The following NEK11 variants were observed in gnomAD, a reference collection of about 807,000 sequenced individuals.
The protein encoded by NEK11 is NIMA related kinase 11, also known as serine/threonine-protein kinase Nek11.
NEK11 carries 72 observed loss-of-function variants against 80.7 expected under a neutral mutation model. That is an observed-to-expected ratio of 0.89 (90% confidence interval 0.74 to 1.08). NEK11 has a LOEUF of 1.08. Ranked by LOEUF, NEK11 falls within the 50% of genes least tolerant of loss-of-function variation. The pLI, the probability that NEK11 is intolerant of heterozygous loss-of-function variation, is 0.00. For missense variants in NEK11, 764 were observed against 763.6 expected (o/e 1.00, Z -0.01); for synonymous variants, 251 against 260.7 (o/e 0.96, Z 0.36).
chr3:131,200,748 G>C (rs1243490787), intron 14 of NEK11, among the ~76,000 whole-genome samples: 2 of 152,148 alleles, frequency 1.3e-5, no homozygotes, highest in Admixed American at 1.3e-4. Flanking sequence ...ATAAACCCTA[G>C]AGTTAGTGAG....
chr3:131,114,922 G>A (rs917981881), intron 5 of NEK11, among the ~76,000 whole-genome samples: 1 of 152,210 alleles, frequency 6.6e-6, no homozygotes, highest in Non-Finnish European at 1.5e-5. Flanking sequence ...ATGTGAAGAG[G>A]TTAGGTTTGT....
intron 5 of NEK11, among the ~76,000 whole-genome samples, chr3:131,112,780 G>C (rs1185894256): frequency 2.0e-5 from 3 of 152,164 alleles, no homozygotes; most frequent in Admixed American, 6.5e-5. Context: ...CACAGAGGTG[G>C]GAAAACATGG....
intron 5 of NEK11, among the ~76,000 whole-genome samples, chr3:131,127,929 T>C (rs144511182): frequency 6.6e-6 from 1 of 152,342 alleles, no homozygotes; most frequent in African/African-American, 2.4e-5. Context: ...TTTACTAAGA[T>C]ACCTCTTCCT....
At chr3:131,211,690 C>T (rs1560994695) in intron 14 of NEK11, among the ~76,000 whole-genome samples, 1 of 152,002 alleles carries the variant, frequency 6.6e-6, no homozygotes, top group Non-Finnish European at 1.5e-5. Flanking sequence ...TTTCTCTAAA[C>T]TTCTCTTCTT....
At chr3:131,054,296 G>A (rs540854386) in intron 3 of NEK11, among the ~76,000 whole-genome samples, 5 of 151,976 alleles carry the variant, frequency 3.3e-5, no homozygotes, top group Non-Finnish European at 5.9e-5. Context: ...ATGCCATTCT[G>A]GCCTGGGTGA....
chr3:131,332,266 A>T (rs1224400797), intron 17 of NEK11, among the ~76,000 whole-genome samples: 5 of 152,200 alleles, frequency 3.3e-5, no homozygotes. Flanking sequence ...CTCTGAGACA[A>T]AACTTCCAGA....
intron 14 of NEK11, among the ~76,000 whole-genome samples, chr3:131,213,260 G>A (rs549898959): frequency 1.4e-4 from 21 of 152,090 alleles, no homozygotes; most frequent in South Asian, 1.0e-3. Flanking sequence ...TTGGTGAGCC[G>A]AGAATGTCTT....
intron 17 of NEK11, chr3:131,330,107 A>G (rs1412132785): frequency 6.6e-6 from 1 of 152,196 alleles, no homozygotes; most frequent in Non-Finnish European, 1.5e-5. Flanking sequence ...TTACATTTTA[A>G]AAATGGAGCT....
At chr3:131,041,540 A>G (rs563913693) in intron 3 of NEK11, among the ~76,000 whole-genome samples, 2 of 152,084 alleles carry the variant, frequency 1.3e-5, no homozygotes. Flanking sequence ...ACATACGTAA[A>G]TATATACTCA....
chr3:131,121,964 C>T lies in NEK11; in HGVS notation c.456-10781C>T, dbSNP rs150037770. ...GAGGTGATGCCCCGCCCTGCTTCAGCTCACGCTCTGTGGGCTGCACCCACT... is the reference window on the plus strand; with the variant it reads ...GAGGTGATGCCCCGCCCTGCTTCAGTTCACGCTCTGTGGGCTGCACCCACT... On this transcript the variant is annotated intron_variant, in intron 5 of 17. Transcript: ENST00000383366. Among the ~76,000 whole-genome samples the T allele has an allele frequency of 2.3e-3, 354 of 152,370 alleles. 1 individual carries two copies. The highest frequency in any genetic ancestry group is 8.0e-3 in the African/African-American group (333 of 41,594).
At chr3:131,233,878 A>G (rs1369339799) in intron 15 of NEK11, among the ~76,000 whole-genome samples, 1 of 152,236 alleles carries the variant, frequency 6.6e-6, no homozygotes, top group Non-Finnish European at 1.5e-5. Flanking sequence ...ACTGTTTGTG[A>G]CATCCTAACT....
chr3:131,239,526 CT>C (rs146256707), intron 15 of NEK11, among the ~76,000 whole-genome samples: 6,362 of 152,218 alleles, frequency 0.042, 422 homozygotes, highest in African/African-American at 0.14. Context: ...ACATAAAACA[CT>C]TCTGTAGCTC....
intron 7 of NEK11, among the ~76,000 whole-genome samples, chr3:131,152,096 A>G (rs1368175931): frequency 6.6e-6 from 1 of 152,148 alleles, no homozygotes; most frequent in African/African-American, 2.4e-5. Context: ...AAATACTTAG[A>G]ATTCTTACTA....
intron 3 of NEK11, among the ~76,000 whole-genome samples, chr3:131,054,153 C>A (rs1441393417): frequency 6.6e-6 from 1 of 152,014 alleles, no homozygotes; most frequent in African/African-American, 2.4e-5. Flanking sequence ...GGGTTTGAGA[C>A]CAGCCTGGGC....
At chr3:131,346,105 C>A (rs2097359624) in intron 17 of NEK11, among the ~76,000 whole-genome samples, 1 of 151,976 alleles carries the variant, frequency 6.6e-6, no homozygotes, top group South Asian at 2.1e-4. Context: ...ATGGACAAGT[C>A]TAGAGATCTA....
At chr3:131,227,648 G>C in intron 14 of NEK11, among the ~76,000 whole-genome samples, 1 of 152,058 alleles carries the variant, frequency 6.6e-6, no homozygotes, top group East Asian at 1.9e-4. Flanking sequence ...TCTGAGTATG[G>C]TGCAAAGTCT....
At chr3:131,035,927 G>A (rs2065569155) in intron 3 of NEK11, among the ~76,000 whole-genome samples, 1 of 152,158 alleles carries the variant, frequency 6.6e-6, no homozygotes. Context: ...AGCTCTGGAT[G>A]CACCCCCATA....
rs149443153 is a variant in NEK11, at chr3:131,155,113, T to C, written c.954T>C (p.Ile318=). 568 of 1,600,528 alleles carry C rather than the reference T, an allele frequency of 3.5e-4. 1 individual carries two copies. Among genetic ancestry groups the C allele is most frequent in the Non-Finnish European group, 4.5e-4 (528 of 1,167,848 alleles). ...LDCQKEAAHI[I]NAMQKRIHLQ... ...GTCAGAAGGAGGCTGCTCATATAAT[T>C]AATGCCATGTAAGTAATTGCTTTGT... Residue 318 remains isoleucine, a synonymous_variant, in exon 10 of 18, where the codon ATT becomes ATC. Transcript: ENST00000383366.
At chr3:131,072,054 C>T (rs1280418123) in intron 3 of NEK11, among the ~76,000 whole-genome samples, 1 of 152,184 alleles carries the variant, frequency 6.6e-6, no homozygotes, top group Non-Finnish European at 1.5e-5. Context: ...TAAACATCTC[C>T]TCTTCCTTCT....
Sources: allele counts gnomAD v4.1 joint callset (sites outside exome capture counted in the v4.1 genomes callset), GRCh38; gene constraint gnomAD v4.1.1; transcripts MANE v1.5; gene names NCBI Gene and HGNC (gene_info 2026-07-23, HGNC 2026-07-21).